The following LRRC47 variants were observed in gnomAD, a reference collection of about 807,000 sequenced individuals.
LRRC47 encodes leucine rich repeat containing 47, also known as leucine-rich repeat-containing protein 47.
A neutral mutation model predicts 40.9 loss-of-function variants in LRRC47; 31 were observed. The ratio of observed to expected loss-of-function variants is 0.76; its 90% confidence interval spans 0.57 to 1.02. The LOEUF (loss-of-function observed/expected upper bound fraction) is 1.02. LRRC47 is among the 50% of genes least tolerant of loss of function. LRRC47 has a pLI of 0.00. For missense variants in LRRC47, 726 were observed against 796.1 expected, an observed-to-expected ratio of 0.91 and a Z score of 1.06; for synonymous variants, 427 against 371.9, an observed-to-expected ratio of 1.15 and a Z score of -1.70.
Position 3,796,195 on chromosome 1 carries a change from C to G in LRRC47, c.282G>C (p.Glu94Asp). 7.0e-7 allele frequency: 1 copy of G among 1,435,842 alleles called. No individual in the cohort carries two copies. Among genetic ancestry groups the G allele is most frequent in the Non-Finnish European group, 9.1e-7 (1 of 1,101,088 alleles). 88.9% of individuals were successfully genotyped at this position (1,435,842 alleles called of 1,614,324 possible). A position where few individuals can be genotyped will look rare whatever the true frequency, so the allele number is the denominator to read the frequency against. ...CCCGAAGGGCAGGCAGCGGCCCGAG[C>G]TCGGGGCTCAGGCCGGGCCCCAGCG... ...RNALGPGLSPELGPLPALRVL... is the reference protein window; with the variant it reads ...RNALGPGLSPDLGPLPALRVL... The change falls in exon 1 of 7, where the codon GAG (glutamate) becomes GAC (aspartate). Residue 94 changes from glutamate to aspartate, a missense_variant. Transcript: ENST00000378251.
intron 1 of LRRC47, among the ~76,000 whole-genome samples, chr1:3,793,385 G>A (rs979038627): frequency 6.6e-6 from 1 of 152,176 alleles, no homozygotes; most frequent in Non-Finnish European, 1.5e-5. Flanking sequence ...GAGCCACCGC[G>A]CCTGGCCCTT....
intron 1 of LRRC47, among the ~76,000 whole-genome samples, chr1:3,793,154 C>A (rs1255549280): frequency 6.6e-6 from 1 of 151,854 alleles, no homozygotes; most frequent in African/African-American, 2.4e-5. Flanking sequence ...TCTTGTTGCC[C>A]AGGCTGGAGT....
Position 3,779,745 on chromosome 1 carries a change from A to G in LRRC47, c.*1343T>C, listed in dbSNP as rs372534231. On this transcript the variant is annotated 3_prime_UTR_variant, in exon 7 of 7. Coordinates refer to ENST00000378251, the MANE Select transcript of LRRC47 (RefSeq NM_020710.3). The stretch of plus-strand genomic sequence containing the variant: ...GCGTCTGGTCCACTCCTGGGGCTCC[A>G]CCTGCCTGTCACTGCAGCACCAGCG... 23 of 152,204 alleles carry G rather than the reference A, an allele frequency of 1.5e-4. No homozygotes were observed. The highest frequency in any genetic ancestry group is 5.3e-4 in the African/African-American group (22 of 41,530). The allele number at this position is 152,204 out of a possible 1,614,324, so 9.4% of individuals were successfully genotyped here.
At chr1:3,792,755 A>C (rs1227201750) in intron 1 of LRRC47, among the ~76,000 whole-genome samples, 1 of 152,190 alleles carries the variant, frequency 6.6e-6, no homozygotes, top group Non-Finnish European at 1.5e-5. Flanking sequence ...CTGGCCCACA[A>C]CACTTTTAAG....
intron 3 of LRRC47, 131 bp from the exon 4 acceptor site, chr1:3,784,242 A>G: frequency 1.3e-6 from 1 of 752,934 alleles, no homozygotes; most frequent in South Asian, 1.7e-5. Flanking sequence ...GCAGGCAGGG[A>G]GCATCCCACG....
chr1:3,793,662 C>T (rs1284096971), intron 1 of LRRC47, among the ~76,000 whole-genome samples: 1 of 152,118 alleles, frequency 6.6e-6, no homozygotes, highest in Non-Finnish European at 1.5e-5. Context: ...AACCTAAGAC[C>T]GGCCTTCTGA....
intron 2 of LRRC47, 96 bp downstream of exon 2, chr1:3,786,753 G>T: frequency 2.5e-6 from 3 of 1,210,296 alleles, no homozygotes; most frequent in Non-Finnish European, 3.4e-6. Context: ...ATACTCCACT[G>T]CTGCTCCTTC....
At position 3,796,105 on chromosome 1, in the gene LRRC47, C is replaced by T. The variant is rs1263850263; in HGVS notation, c.372G>A (p.Glu124=). The T allele has an allele frequency of 1.4e-4, 201 of 1,464,686 alleles. 3 individuals are homozygous for T. The East Asian group carries it at 5.7e-3, about 41-fold the overall frequency. The allele number at this position is 1,464,686 out of a possible 1,614,324, so 90.7% of individuals were successfully genotyped here. The change falls in exon 1 of 7, where the codon GAG becomes GAA. Residue 124 remains glutamate (E), a synonymous_variant. Coordinates refer to ENST00000378251, the MANE Select transcript of LRRC47 (RefSeq NM_020710.3). ...TCTGCAGCTGCGGAAGGCCCGGCGG[C>T]TCGGCGGGGCCCAGGCCTTGGCCCG... is the stretch of plus-strand genomic sequence containing the variant. ...LPPGQGLGPA[E]PPGLPQLQSL...
chr1:3,789,759 G>A (rs1456983234), intron 1 of LRRC47, among the ~76,000 whole-genome samples: 3 of 152,350 alleles, frequency 2.0e-5, no homozygotes, highest in South Asian at 2.1e-4. Context: ...GCGCAAAGCC[G>A]CACATGTTGG....
rs937699074 is a variant in LRRC47, at chr1:3,780,958, G to C, written c.*130C>G. Reference sequence around the variant, plus strand: ...GCCACTGCACTCCAGCCTGGCGACAGAGCGAGACTCCATCTCAAAAAAAAA... The same window carrying C: ...GCCACTGCACTCCAGCCTGGCGACACAGCGAGACTCCATCTCAAAAAAAAA... On this transcript the variant is annotated 3_prime_UTR_variant, in exon 7 of 7. Coordinates refer to ENST00000378251, the MANE Select transcript of LRRC47 (RefSeq NM_020710.3). The C allele has an allele frequency of 4.3e-6, 6 of 1,383,826 alleles. No individual in the cohort carries two copies. Among genetic ancestry groups the C allele is most frequent in the Non-Finnish European group, 4.9e-6 (5 of 1,022,974 alleles). The allele number at this position is 1,383,826 out of a possible 1,614,324, so 85.7% of individuals were successfully genotyped here. A position where few individuals can be genotyped will look rare whatever the true frequency, so the allele number is the denominator to read the frequency against.
intron 1 of LRRC47, 134 bp downstream of exon 1, chr1:3,795,717 AGCTGGCTCCTT>A: frequency 1.8e-6 from 2 of 1,111,106 alleles, no homozygotes; most frequent in Non-Finnish European, 1.2e-6. Context: ...TGCCCCCCGC[AGCTGGCTCCTT>A]TCAGCCTTGT....
intron 1 of LRRC47, among the ~76,000 whole-genome samples, chr1:3,791,534 G>A (rs1570740906): frequency 2.0e-5 from 3 of 152,090 alleles, no homozygotes; most frequent in East Asian, 1.9e-4. Flanking sequence ...TTGGCTCACC[G>A]AAACCTCCGC....
intron 1 of LRRC47, among the ~76,000 whole-genome samples, chr1:3,788,071 G>A (rs538313547): frequency 3.9e-5 from 6 of 152,264 alleles, no homozygotes; most frequent in Non-Finnish European, 8.8e-5. Context: ...AAGGGGTACA[G>A]TGGCACCTGA....
intron 4 of LRRC47, 75 bp from the exon 5 acceptor site, chr1:3,782,838 G>A (rs1643534070): frequency 1.1e-6 from 1 of 938,332 alleles, no homozygotes; most frequent in Middle Eastern, 2.1e-4. Flanking sequence ...GCATGTGCCT[G>A]TGGTCCCAGC....
At chr1:3,787,553 G>A (rs531023527) in intron 1 of LRRC47, among the ~76,000 whole-genome samples, 22 of 152,320 alleles carry the variant, frequency 1.4e-4, no homozygotes, top group Admixed American at 1.3e-3. Context: ...ACGGTTAACA[G>A]TGATCTCTGC....
chr1:3,793,335 C>G (rs889815373), intron 1 of LRRC47, among the ~76,000 whole-genome samples: 1 of 152,186 alleles, frequency 6.6e-6, no homozygotes, highest in African/African-American at 2.4e-5. Context: ...TCAGGTGATC[C>G]GCCTGCCTCA....
chr1:3,782,928 A>G lies in LRRC47; in HGVS notation c.1311-165T>C, dbSNP rs1643535061. 3 of 610,252 alleles carry G rather than the reference A, an allele frequency of 4.9e-6. No individual in the cohort carries two copies. In the East Asian group the frequency reaches 8.3e-5, roughly 17 times the overall value. The allele number at this position is 610,252 out of a possible 1,614,324, so 37.8% of individuals were successfully genotyped here. On this transcript the variant is annotated intron_variant, in intron 4 of 6. Coordinates refer to ENST00000378251, the MANE Select transcript of LRRC47 (RefSeq NM_020710.3). Reference sequence around the variant, plus strand: ...GCTGTGCCAATGGAGTGTCTACGCTAAGTCTGTCATCACTATGGTGAGCTC... The same window carrying G: ...GCTGTGCCAATGGAGTGTCTACGCTGAGTCTGTCATCACTATGGTGAGCTC...
chr1:3,786,555 C>T (rs1418515534), intron 2 of LRRC47, among the ~76,000 whole-genome samples: 1 of 152,150 alleles, frequency 6.6e-6, no homozygotes, highest in East Asian at 1.9e-4. Context: ...AGGGATACGA[C>T]CAGTGACCAG....
At chr1:3,787,348 T>C in intron 1 of LRRC47, 38 bp from the exon 2 acceptor site, 1 of 1,567,098 alleles carries the variant, frequency 6.4e-7, no homozygotes, top group Non-Finnish European at 8.6e-7. Flanking sequence ...ACGCCCGGAC[T>C]CTGGGAAGAG....
Sources: allele counts gnomAD v4.1 joint callset (sites outside exome capture counted in the v4.1 genomes callset), GRCh38; gene constraint gnomAD v4.1.1; transcripts MANE v1.5; gene names NCBI Gene and HGNC (gene_info 2026-07-23, HGNC 2026-07-21).